RPS6KC1: variants seen among roughly 807,000 people sequenced by gnomAD.
The protein encoded by RPS6KC1 is ribosomal protein S6 kinase C1.
In RPS6KC1, 54 loss-of-function variants were observed where a neutral mutation model predicts 103.8. That is an observed-to-expected ratio of 0.52 (90% confidence interval 0.42 to 0.65). RPS6KC1 has a LOEUF of 0.65. RPS6KC1 is among the 30% of genes least tolerant of loss of function. RPS6KC1 has a pLI of 0.00. For synonymous variants in RPS6KC1, 439 were observed against 438.7 expected (o/e 1.00, Z -0.01); for missense variants, 1,151 against 1,253.8 (o/e 0.92, Z 1.24).
At chr1:213,500,162 A>G in the RPS6KC1 span, among the ~76,000 whole-genome samples, 1 of 152,252 alleles carries the variant, frequency 6.6e-6, no homozygotes, top group Non-Finnish European at 1.5e-5. Context: ...AACACATTAT[A>G]TGCTATACAA....
chr1:213,247,654 A>T (rs535108505), intron 12 of RPS6KC1, among the ~76,000 whole-genome samples: 6 of 152,210 alleles, frequency 3.9e-5, no homozygotes, highest in Admixed American at 3.9e-4. Context: ...TGATTGCTTG[A>T]CCTCGGGAAA....
the RPS6KC1 span, among the ~76,000 whole-genome samples, chr1:213,313,821 C>T: frequency 2.2e-4 from 33 of 152,160 alleles, no homozygotes; most frequent in Middle Eastern, 3.4e-3. Flanking sequence ...GGTGTGGTGG[C>T]GGGCACGTGT....
chr1:213,547,006 T>C, the RPS6KC1 span, among the ~76,000 whole-genome samples: 2 of 152,338 alleles, frequency 1.3e-5, no homozygotes, highest in South Asian at 4.1e-4. Flanking sequence ...TCCTCTCCAC[T>C]GTGATAGGTT....
At chr1:213,581,465 G>A in the RPS6KC1 span, among the ~76,000 whole-genome samples, 2 of 152,032 alleles carry the variant, frequency 1.3e-5, no homozygotes, top group African/African-American at 2.4e-5. Context: ...GTCCCAGTCC[G>A]ATCCCAGGAA....
At chr1:213,146,089 AT>A (rs200586355) in intron 6 of RPS6KC1, among the ~76,000 whole-genome samples, 2,151 of 129,838 alleles carry the variant, frequency 0.017, 61 homozygotes, top group African/African-American at 0.055. Context: ...TCATGAATTC[AT>A]TTTTTTTTTT....
At chr1:213,416,106 A>T in the RPS6KC1 span, among the ~76,000 whole-genome samples, 92 of 152,226 alleles carry the variant, frequency 6.0e-4, no homozygotes, top group East Asian at 0.017. Context: ...TGGGTGTGAA[A>T]GTGCCGGGGG....
the RPS6KC1 span, among the ~76,000 whole-genome samples, chr1:213,588,994 C>T: frequency 6.6e-6 from 1 of 152,268 alleles, no homozygotes; most frequent in Middle Eastern, 3.4e-3. Context: ...GAAGCAGCTC[C>T]TGGTATAGCA....
At chr1:213,602,038 T>TTCTTTCTTTCTTTCTTTCTTTC in the RPS6KC1 span, among the ~76,000 whole-genome samples, 2 of 26,570 alleles carry the variant, frequency 7.5e-5, no homozygotes, top group Non-Finnish European at 1.9e-4. Flanking sequence ...CTCTTTCTCT[T>TTCTTTCTTTCTTTCTTTCTTTC]TCTTTCTTTC....
chr1:213,278,002 G>C (rs958665260), downstream of RPS6KC1, among the ~76,000 whole-genome samples: 1 of 152,050 alleles, frequency 6.6e-6, no homozygotes, highest in Non-Finnish European at 1.5e-5. Context: ...CCAGGAGTTC[G>C]AGGCCAGCCT....
chr1:213,735,148 A>C, the RPS6KC1 span, among the ~76,000 whole-genome samples: 21 of 152,196 alleles, frequency 1.4e-4, no homozygotes, highest in South Asian at 4.4e-3. Flanking sequence ...TGGTCTTGAG[A>C]AGTCAGGTGA....
chr1:213,303,586 G>C, the RPS6KC1 span, among the ~76,000 whole-genome samples: 1 of 152,078 alleles, frequency 6.6e-6, no homozygotes, highest in Non-Finnish European at 1.5e-5. Context: ...CCGTACCCTG[G>C]CTGTGTTTCT....
At chr1:213,699,531 A>G in the RPS6KC1 span, among the ~76,000 whole-genome samples, 1 of 152,314 alleles carries the variant, frequency 6.6e-6, no homozygotes, top group South Asian at 2.1e-4. Context: ...AAGTGCAGGT[A>G]TCTATCCAAT....
At chr1:213,101,030 A>G (rs2081977504) in intron 3 of RPS6KC1, among the ~76,000 whole-genome samples, 1 of 152,158 alleles carries the variant, frequency 6.6e-6, no homozygotes, top group African/African-American at 2.4e-5. Context: ...GGCTGAACTA[A>G]TTTACACTCC....
chr1:213,540,562 G>A, the RPS6KC1 span, among the ~76,000 whole-genome samples: 3 of 152,082 alleles, frequency 2.0e-5, no homozygotes, highest in Non-Finnish European at 1.5e-5. Context: ...TGTTGCCGAC[G>A]TGGGTCTTGA....
the RPS6KC1 span, among the ~76,000 whole-genome samples, chr1:213,839,009 A>G: frequency 1.3e-5 from 2 of 152,194 alleles, no homozygotes; most frequent in Non-Finnish European, 2.9e-5. Context: ...GCATTTTAAT[A>G]AGGAAAGTCT....
chr1:213,142,676 A>G (rs143481136), intron 6 of RPS6KC1, among the ~76,000 whole-genome samples: 4 of 152,208 alleles, frequency 2.6e-5, no homozygotes, highest in Non-Finnish European at 4.4e-5. Context: ...CGATTAAGCA[A>G]CCACTACCCT....
At chr1:213,577,052 T>G in the RPS6KC1 span, among the ~76,000 whole-genome samples, 3 of 152,230 alleles carry the variant, frequency 2.0e-5, no homozygotes, top group Non-Finnish European at 4.4e-5. Flanking sequence ...GGTTTGGCTG[T>G]ATCCCCACCC....
At chr1:213,476,135 A>C in the RPS6KC1 span, among the ~76,000 whole-genome samples, 1 of 152,178 alleles carries the variant, frequency 6.6e-6, no homozygotes, top group Non-Finnish European at 1.5e-5. Context: ...GCAAAGAAGC[A>C]GACCTCACTT....
chr1:213,833,008 C>T, the RPS6KC1 span, among the ~76,000 whole-genome samples: 1 of 152,106 alleles, frequency 6.6e-6, no homozygotes, highest in African/African-American at 2.4e-5. Flanking sequence ...AAACAAGAGG[C>T]CCCAGACCCT....
Sources: gnomAD v4.1 joint callset for allele counts (sites outside exome capture counted in the v4.1 genomes callset) on GRCh38, gnomAD v4.1.1 for gene constraint, MANE v1.5 for transcripts, NCBI Gene and HGNC (gene_info 2026-07-23, HGNC 2026-07-21) for gene names.